Variants in TMEM63B observed in about 807,000 individuals in gnomAD.
TMEM63B encodes the protein transmembrane protein 63B.
Under a neutral mutation model 102.6 loss-of-function variants are expected in TMEM63B, and 23 were observed. That is an observed-to-expected ratio of 0.22 (90% CI 0.16 to 0.32). The LOEUF is 0.32. Ranked by LOEUF, TMEM63B falls within the 10% of genes least tolerant of loss-of-function variation. The probability of loss-of-function intolerance (pLI) is 1.00; values close to 1 mark genes in which losing one functional copy is unlikely to be tolerated. For synonymous variants in TMEM63B, 444 were observed against 437.0 expected (o/e 1.02, Z -0.20); for missense variants, 628 against 1,095.9 (o/e 0.57, Z 6.03).
Position 44,148,724 on chromosome 6 carries a change from T to C in TMEM63B, c.1260-68T>C, listed in dbSNP as rs1455152778. 2 of 1,609,074 alleles carry C rather than the reference T, an allele frequency of 1.2e-6. No homozygotes were observed. The highest frequency in any genetic ancestry group is 1.7e-6 in the Non-Finnish European group (2 of 1,176,582). On this transcript the variant is annotated intron_variant, in intron 14 of 23. Coordinates refer to ENST00000323267, the MANE Select transcript of TMEM63B (RefSeq NM_018426.3). This position sits in a 1 kb window ranked among gnomAD's most constrained non-coding sequence, Gnocchi z 5.1. ...CAGTAGGTAGGCGGAGGAGAGGGAG[T>C]GTCTTGGTGTCACTGGGGGCCAATC...
intron 10 of TMEM63B, among the ~76,000 whole-genome samples, chr6:44,144,086 T>C (rs888727352): frequency 2.0e-5 from 3 of 152,168 alleles, no homozygotes; most frequent in South Asian, 2.1e-4. Flanking sequence ...CTAGTCCTAA[T>C]TGGAGTTTTT....
chr6:44,138,736 G>GTCCCCCCCCCC lies in TMEM63B; in HGVS notation c.407+219_407+220insTCCCCCCCCCC, dbSNP rs567563400. 6.3e-4 allele frequency: 182 copies of GTCCCCCCCCCC among 288,244 alleles called. 2 individuals carry two copies. Among genetic ancestry groups the GTCCCCCCCCCC allele is most frequent in the East Asian group, 1.2e-3 (20 of 16,848 alleles). The allele number at this position is 288,244 out of a possible 1,614,324, so 17.9% of individuals were successfully genotyped here. A position where few individuals can be genotyped will look rare whatever the true frequency, so the allele number is the denominator to read the frequency against. On this transcript the variant is annotated intron_variant, in intron 6 of 23. Transcript: ENST00000323267. Reference sequence around the variant, plus strand: ...TAATCTCCTCTGTGACCCCCTGCCGGCCCCCCCGCTTCTCTCCCTGCCCTG... The same window carrying GTCCCCCCCCCC: ...TAATCTCCTCTGTGACCCCCTGCCGGTCCCCCCCCCCCCCCCCCGCTTCTCTCCCTGCCCTG...
chr6:44,138,244 G>GGA, intron 5 of TMEM63B: 1 of 471,086 alleles, frequency 2.1e-6, no homozygotes, highest in Non-Finnish European at 3.9e-6. Context: ...TCTGGACATG[G>GGA]GGATTCACAG....
chr6:44,148,299 A>C lies in TMEM63B; in HGVS notation c.1035A>C (p.Glu345Asp). The change falls in exon 13 of 24, where the codon GAA (glutamate) becomes GAC (aspartate). Residue 345 changes from glutamate (E) to aspartate (D), a missense_variant. Coordinates refer to ENST00000323267, the MANE Select transcript of TMEM63B (RefSeq NM_018426.3). This position sits in a 1 kb window ranked among gnomAD's most constrained non-coding sequence, Gnocchi z 5.1. The stretch of plus-strand genomic sequence containing the variant: ...CAAAGCTGGAGCAGAAGCTGAAGGA[A>C]GACTACAAGCGGGAGAAGGAGAAGG... ...YYTKLEQKLK[E>D]DYKREKEKVN... is the part of the protein sequence containing the mutation. 1 of 1,614,244 alleles carries C rather than the reference A, an allele frequency of 6.2e-7. No individual in the cohort carries two copies. Among genetic ancestry groups the C allele is most frequent in the Non-Finnish European group, 8.5e-7 (1 of 1,180,034 alleles).
Position 44,134,751 on chromosome 6 carries a change from C to T in TMEM63B, c.159+8C>T, listed in dbSNP as rs770796858. ...GACTTCATGTGCTTCCTTGTAAGTG[C>T]CTGCTGCCACCCCTTACCTTGGCAT... On this transcript the variant is annotated splice_region_variant and intron_variant, in intron 2 of 23. Transcript: ENST00000323267. 1 of 1,609,958 alleles carries T rather than the reference C, an allele frequency of 6.2e-7. No homozygotes were observed. The highest frequency in any genetic ancestry group is 2.2e-5 in the East Asian group (1 of 44,758).
chr6:44,139,643 A>C, intron 7 of TMEM63B, 34 bp downstream of exon 7: 1 of 1,614,108 alleles, frequency 6.2e-7, no homozygotes. Flanking sequence ...GGGTGGAGAG[A>C]GGATGGGGCT....
Position 44,152,783 on chromosome 6 carries a change from C to T in TMEM63B, c.1942+85C>T, listed in dbSNP as rs908512476. ...TCCACTCTAGGAATGCAGGCCACCC[C>T]GAGTGGACAGGGCCCGGCTGGGAGA... On this transcript the variant is annotated intron_variant, in intron 20 of 23. Transcript: ENST00000323267. This position sits in a 1 kb window ranked among gnomAD's most constrained non-coding sequence, Gnocchi z 6.4. 3.8e-5 allele frequency: 45 copies of T among 1,183,902 alleles called. No individual in the cohort carries two copies. The highest frequency in any genetic ancestry group is 7.6e-5 in the African/African-American group (5 of 66,200). The allele number at this position is 1,183,902 out of a possible 1,614,324, so 73.3% of individuals were successfully genotyped here.
chr6:44,138,310 C>A, intron 5 of TMEM63B, 170 bp from the exon 6 acceptor site: 1 of 750,230 alleles, frequency 1.3e-6, no homozygotes, highest in Middle Eastern at 4.0e-4. Flanking sequence ...TTCCCTCTCT[C>A]TCTCCCTTTT....
intron 23 of TMEM63B, 29 bp downstream of exon 23, chr6:44,154,474 C>G (rs1453737471): frequency 3.1e-6 from 5 of 1,612,184 alleles, no homozygotes; most frequent in Non-Finnish European, 4.2e-6. Flanking sequence ...TGGGAGGGGC[C>G]TCTGACAGAC....
chr6:44,153,100 G>C (rs917153166), intron 20 of TMEM63B, among the ~76,000 whole-genome samples: 2 of 152,212 alleles, frequency 1.3e-5, no homozygotes, highest in South Asian at 4.1e-4. Context: ...TCCAGGGTGG[G>C]ATGGGTCCTT....
In TMEM63B at chr6:44,139,767, G is replaced by A. The variant is rs1489593398; in HGVS notation, c.602+8G>A. ...TGCCAACTTGAAATCAGGGTAAGAT[G>A]CGAAGCTGGTCGGCCAGGCCAAGGT... is the stretch of plus-strand genomic sequence containing the variant. On this transcript the variant is annotated splice_region_variant and intron_variant, in intron 8 of 23. Coordinates refer to ENST00000323267, the MANE Select transcript of TMEM63B (RefSeq NM_018426.3). 1 of 1,614,200 alleles carries A rather than the reference G, an allele frequency of 6.2e-7. No individual in the cohort carries two copies. The highest frequency in any genetic ancestry group is 8.5e-7 in the Non-Finnish European group (1 of 1,180,050).
Position 44,150,092 on chromosome 6 carries a change from G to C in TMEM63B, c.1520+127G>C. 1 of 1,308,308 alleles carries C rather than the reference G, an allele frequency of 7.6e-7. No individual in the cohort carries two copies. The highest frequency in any genetic ancestry group is 1.1e-6 in the Non-Finnish European group (1 of 932,158). 81.0% of individuals were successfully genotyped at this position (1,308,308 alleles called of 1,614,324 possible). Reference sequence around the variant, plus strand: ...TCCCACAGCTGGTAGGGAAGGGGTAGTGCCCAGCACCCTCACCTTGGGAGG... The same window carrying C: ...TCCCACAGCTGGTAGGGAAGGGGTACTGCCCAGCACCCTCACCTTGGGAGG... On this transcript the variant is annotated intron_variant, in intron 16 of 23. Transcript: ENST00000323267. This position sits in a 1 kb window ranked among gnomAD's most constrained non-coding sequence, Gnocchi z 4.7.
chr6:44,148,981 G>A lies in TMEM63B; in HGVS notation c.1413+36G>A. ...ATGCCCCTGTCACTTTCCACGCTGG[G>A]TCACAACACACAGATACCAGGCCCT... On this transcript the variant is annotated intron_variant, in intron 15 of 23. Coordinates refer to ENST00000323267, the MANE Select transcript of TMEM63B (RefSeq NM_018426.3). The surrounding 1 kb of genome is among the most constrained non-coding windows in gnomAD (Gnocchi z 5.1). 2 of 1,613,782 alleles carry A rather than the reference G, an allele frequency of 1.2e-6. No individual in the cohort carries two copies. Among genetic ancestry groups the A allele is most frequent in the Non-Finnish European group, 1.7e-6 (2 of 1,179,974 alleles).
intron 9 of TMEM63B, among the ~76,000 whole-genome samples, chr6:44,140,729 G>A (rs1764065809): frequency 6.6e-6 from 1 of 152,102 alleles, no homozygotes; most frequent in South Asian, 2.1e-4. Flanking sequence ...GGTTCTCAGG[G>A]TCTAAGGAGC....
intron 10 of TMEM63B, among the ~76,000 whole-genome samples, chr6:44,145,625 C>T (rs968330073): frequency 2.6e-4 from 39 of 148,422 alleles, no homozygotes; most frequent in African/African-American, 8.2e-4. Flanking sequence ...AAAACAAAAA[C>T]GAAACAAAAA....
chr6:44,140,301 C>G lies in TMEM63B; in HGVS notation c.652C>G (p.Leu218Val). ...HTSFAFLYLLLTVYSMRRHTS... is the reference protein window; with the variant it reads ...HTSFAFLYLLVTVYSMRRHTS... The stretch of plus-strand genomic sequence containing the variant: ...CTCCTTCGCCTTCCTGTATCTGCTG[C>G]TCACCGTCTACAGCATGCGTAGACA... Residue 218 changes from leucine to valine, a missense_variant, in exon 9 of 24, where the codon CTC becomes GTC. By Grantham distance (32) the Leu-to-Val change is conservative. Transcript: ENST00000323267. The G allele has an allele frequency of 6.2e-7, 1 of 1,614,066 alleles. No individual in the cohort carries two copies. The highest frequency in any genetic ancestry group is 8.5e-7 in the Non-Finnish European group (1 of 1,179,974).
At chr6:44,154,042 A>G (rs1323935290) in intron 21 of TMEM63B, 31 bp from the exon 22 acceptor site, 2 of 1,604,524 alleles carry the variant, frequency 1.2e-6, no homozygotes, top group East Asian at 2.2e-5. Flanking sequence ...CACAGGAGAT[A>G]GCAACCCCAT....
intron 15 of TMEM63B, chr6:44,149,177 G>C (rs534308758): frequency 1.7e-5 from 10 of 600,838 alleles, no homozygotes; most frequent in Middle Eastern, 4.3e-4. Context: ...AGGGAAGAGA[G>C]AGAGCCTGCA....
In TMEM63B at chr6:44,152,807, G is replaced by C; in HGVS notation, c.1942+109G>C. ...CCGAGTGGACAGGGCCCGGCTGGGA[G>C]ACCGGCCCCTCGGGGCTCCCGCCCG... is the stretch of plus-strand genomic sequence containing the variant. On this transcript the variant is annotated intron_variant, in intron 20 of 23. Coordinates refer to ENST00000323267, the MANE Select transcript of TMEM63B (RefSeq NM_018426.3). This position sits in a 1 kb window ranked among gnomAD's most constrained non-coding sequence, Gnocchi z 6.4. 1.1e-6 allele frequency: 1 copy of C among 923,340 alleles called. No homozygotes were observed. Among genetic ancestry groups the C allele is most frequent in the Non-Finnish European group, 1.7e-6 (1 of 605,564 alleles). 57.2% of individuals were successfully genotyped at this position (923,340 alleles called of 1,614,324 possible).
Sources: gnomAD v4.1 joint callset for allele counts (sites outside exome capture counted in the v4.1 genomes callset) on GRCh38, gnomAD v4.1.1 for gene constraint, Gnocchi (gnomAD v3.1) non-coding constraint, MANE v1.5 for transcripts, NCBI Gene and HGNC (gene_info 2026-07-23, HGNC 2026-07-21) for gene names.